Variants in NCAM2 observed in about 807,000 individuals in gnomAD.
NCAM2 encodes the protein neural cell adhesion molecule 2.
A neutral mutation model predicts 98.1 loss-of-function variants in NCAM2; 30 were observed. That is an observed-to-expected ratio of 0.31 (90% CI 0.23 to 0.41). The LOEUF (loss-of-function observed/expected upper bound fraction) is 0.41, where lower values mean the gene tolerates loss of function less well. NCAM2 is among the 10% of genes least tolerant of loss of function. NCAM2 has a pLI of 1.00. For synonymous variants in NCAM2, 368 were observed against 342.4 expected (o/e 1.07, Z -0.83); for missense variants, 867 against 1,005.8 (o/e 0.86, Z 1.87).
At chr21:21,414,974 T>C (rs545416673) in intron 10 of NCAM2, among the ~76,000 whole-genome samples, 101 of 151,578 alleles carry the variant, frequency 6.7e-4, no homozygotes, top group African/African-American at 2.3e-3. Flanking sequence ...CTCAGCACTA[T>C]ATCTCAACAG....
At chr21:21,505,741 TATA>T (rs1987940591) in intron 15 of NCAM2, among the ~76,000 whole-genome samples, 1 of 151,992 alleles carries the variant, frequency 6.6e-6, no homozygotes, top group Non-Finnish European at 1.5e-5. Flanking sequence ...ATATCATTTT[TATA>T]ATACTAAATA....
At chr21:21,021,921 A>C (rs977002508) in intron 1 of NCAM2, among the ~76,000 whole-genome samples, 5 of 152,160 alleles carry the variant, frequency 3.3e-5, no homozygotes, top group African/African-American at 1.2e-4. Flanking sequence ...TGTCATGCAC[A>C]TAGTAGATGT....
rs139721938 is a variant in NCAM2 at position 21,355,339 on chromosome 21, G to C, written c.1044+16805G>C. ...AGTTCCAGCTACTCGGGACGGGGCC[G>C]GGAAAAGGGGGTTGCAGGGGGCTGA... On this transcript the variant is annotated intron_variant, in intron 8 of 17. Transcript: ENST00000400546. Among the ~76,000 whole-genome samples, 567 of 151,312 alleles carry C rather than the reference G, an allele frequency of 3.7e-3. 2 individuals carry two copies. The highest frequency in any genetic ancestry group is 0.013 in the African/African-American group (531 of 41,298).
At chr21:21,343,337 G>A (rs928941241) in intron 8 of NCAM2, among the ~76,000 whole-genome samples, 1 of 135,582 alleles carries the variant, frequency 7.4e-6, no homozygotes, top group African/African-American at 2.9e-5. Flanking sequence ...AGGACACCAA[G>A]TTAACAACTA....
intron 1 of NCAM2, among the ~76,000 whole-genome samples, chr21:21,264,015 G>T (rs948210054): frequency 1.3e-5 from 2 of 151,968 alleles, no homozygotes; most frequent in Admixed American, 6.6e-5. Flanking sequence ...GTAAGCTAAA[G>T]ATCTGCACAG....
intron 5 of NCAM2, among the ~76,000 whole-genome samples, chr21:21,308,771 T>A: frequency 6.6e-6 from 1 of 152,218 alleles, no homozygotes; most frequent in East Asian, 1.9e-4. Context: ...CAACTGATCT[T>A]GATCTTATCT....
intron 9 of NCAM2, among the ~76,000 whole-genome samples, chr21:21,378,477 G>A (rs2076081966): frequency 6.6e-6 from 1 of 151,942 alleles, no homozygotes; most frequent in Admixed American, 6.6e-5. Context: ...GTCTTCTTTT[G>A]AGAAATATCA....
chr21:21,262,085 G>A (rs992483481), intron 1 of NCAM2, among the ~76,000 whole-genome samples: 1 of 152,132 alleles, frequency 6.6e-6, no homozygotes, highest in African/African-American at 2.4e-5. Flanking sequence ...ACATCTCTAT[G>A]CATACAAACT....
intron 1 of NCAM2, among the ~76,000 whole-genome samples, chr21:21,143,058 C>T (rs1385722714): frequency 6.6e-6 from 1 of 152,152 alleles, no homozygotes; most frequent in Non-Finnish European, 1.5e-5. Context: ...AGAAGTTATA[C>T]TGCTTGGTCG....
intron 1 of NCAM2, chr21:21,223,768 A>G (rs1246717233): frequency 6.6e-6 from 1 of 152,188 alleles, no homozygotes; most frequent in Non-Finnish European, 1.5e-5. Context: ...AAACAGTTAT[A>G]TTAATAAAAT....
intron 1 of NCAM2, among the ~76,000 whole-genome samples, chr21:21,254,161 CAGCTT>C (rs1442328352): frequency 6.6e-6 from 1 of 152,174 alleles, no homozygotes; most frequent in African/African-American, 2.4e-5. Context: ...ATTTTTGTCT[CAGCTT>C]AGTATCAAAA....
chr21:21,098,255 TA>T (rs1488326760), intron 1 of NCAM2, among the ~76,000 whole-genome samples: 2 of 151,612 alleles, frequency 1.3e-5, no homozygotes, highest in African/African-American at 4.8e-5. Context: ...CTAATATTTA[TA>T]AAAATGTGCC....
chr21:21,083,527 T>C (rs2065851346), intron 1 of NCAM2, among the ~76,000 whole-genome samples: 1 of 151,896 alleles, frequency 6.6e-6, no homozygotes, highest in South Asian at 2.1e-4. Context: ...GATCCTCCCT[T>C]CTCAGCCTCC....
At chr21:21,461,301 T>C (rs1380593) in intron 12 of NCAM2, among the ~76,000 whole-genome samples, 61,384 of 151,714 alleles carry the variant, frequency 0.4, 13,732 homozygotes, top group Non-Finnish European at 0.51. Flanking sequence ...TGTTTTTATA[T>C]AAGGCAAAGT....
intron 1 of NCAM2, among the ~76,000 whole-genome samples, chr21:21,171,864 T>C (rs926188793): frequency 6.6e-6 from 1 of 152,070 alleles, no homozygotes; most frequent in Non-Finnish European, 1.5e-5. Flanking sequence ...TTTCGCTTGG[T>C]AGGTTAAATG....
chr21:21,361,614 G>C (rs2075647613), intron 8 of NCAM2, among the ~76,000 whole-genome samples: 1 of 151,930 alleles, frequency 6.6e-6, no homozygotes, highest in Admixed American at 6.6e-5. Context: ...TAGTCTTACG[G>C]CTTTAATGAT....
intron 1 of NCAM2, among the ~76,000 whole-genome samples, chr21:21,089,085 GT>G (rs2065962464): frequency 6.6e-6 from 1 of 151,338 alleles, no homozygotes; most frequent in Non-Finnish European, 1.5e-5. Context: ...TTTTTTAGTT[GT>G]TTTTTGTTTG....
chr21:21,537,179 A>G (rs1430529181), intron 17 of NCAM2, among the ~76,000 whole-genome samples: 3 of 151,808 alleles, frequency 2.0e-5, no homozygotes, highest in Admixed American at 1.3e-4. Context: ...GCTCACTGCA[A>G]TCTCCACCTC....
chr21:21,516,520 T>C (rs1243554425), intron 16 of NCAM2, among the ~76,000 whole-genome samples: 1 of 152,152 alleles, frequency 6.6e-6, no homozygotes, highest in Non-Finnish European at 1.5e-5. Context: ...CTTCTGAATT[T>C]CTATGTGCCT....
Sources: gnomAD v4.1 joint callset for allele counts (sites outside exome capture counted in the v4.1 genomes callset) on GRCh38, gnomAD v4.1.1 for gene constraint, MANE v1.5 for transcripts, NCBI Gene and HGNC (gene_info 2026-07-23, HGNC 2026-07-21) for gene names.